ROBO1: variants seen among roughly 807,000 people sequenced by gnomAD.
ROBO1 encodes roundabout homolog 1.
A neutral mutation model predicts 195.9 loss-of-function variants in ROBO1; 149 were observed. The observed-to-expected ratio is 0.76, with a 90% confidence interval of 0.67 to 0.87. The LOEUF is 0.87. Among genes scored for constraint, ROBO1 ranks in the 40% least tolerant of loss-of-function variants. The probability of loss-of-function intolerance (pLI) is 0.00; values close to 1 mark genes in which losing one functional copy is unlikely to be tolerated. For synonymous variants in ROBO1, 816 were observed against 733.2 expected, an observed-to-expected ratio of 1.11 and a Z score of -1.82; for missense variants, 1,933 against 2,068.3, an observed-to-expected ratio of 0.93 and a Z score of 1.27.
chr3:79,678,041 T>C (rs1946837210), intron 1 of ROBO1, among the ~76,000 whole-genome samples: 1 of 152,120 alleles, frequency 6.6e-6, no homozygotes, highest in Non-Finnish European at 1.5e-5. Flanking sequence ...AAGAATTCAA[T>C]GAATATTAGC....
intron 4 of ROBO1, among the ~76,000 whole-genome samples, chr3:78,792,737 T>G (rs2084058285): frequency 6.6e-6 from 1 of 152,198 alleles, no homozygotes; most frequent in African/African-American, 2.4e-5. Flanking sequence ...TAATATCCTC[T>G]TGTATATTTT....
intron 2 of ROBO1, among the ~76,000 whole-genome samples, chr3:79,288,113 A>AAAC (rs1291464034): frequency 2.2e-4 from 33 of 152,162 alleles, no homozygotes; most frequent in African/African-American, 7.7e-4. Context: ...CTTGAAAGTA[A>AAAC]AACAGCCAAT....
At chr3:79,169,514 A>G (rs1462860319) in intron 2 of ROBO1, among the ~76,000 whole-genome samples, 1 of 152,168 alleles carries the variant, frequency 6.6e-6, no homozygotes, top group Non-Finnish European at 1.5e-5. Context: ...TGAAATCCAG[A>G]TAGCTGAGTA....
chr3:78,725,966 A>G (rs903901347), intron 5 of ROBO1, among the ~76,000 whole-genome samples: 7 of 151,500 alleles, frequency 4.6e-5, no homozygotes, highest in South Asian at 2.1e-4. Flanking sequence ...CACCCCCACA[A>G]TGTTATCCAT....
chr3:79,038,130 A>G (rs537703151), intron 3 of ROBO1, among the ~76,000 whole-genome samples: 1 of 152,310 alleles, frequency 6.6e-6, no homozygotes, highest in African/African-American at 2.4e-5. Context: ...TCAGTTACAC[A>G]CTGGAATCTA....
chr3:78,651,317 A>G (rs1225603327), intron 19 of ROBO1, among the ~76,000 whole-genome samples: 3 of 152,164 alleles, frequency 2.0e-5, no homozygotes, highest in South Asian at 2.1e-4. Context: ...AGTATTTTCT[A>G]TTTTGCTTCA....
At chr3:79,066,040 A>G (rs928243190) in intron 3 of ROBO1, among the ~76,000 whole-genome samples, 1 of 151,990 alleles carries the variant, frequency 6.6e-6, no homozygotes, top group Non-Finnish European at 1.5e-5. Flanking sequence ...ATGAGTAGAA[A>G]GTGAGCTTAA....
At chr3:79,190,034 T>C (rs1210880198) in intron 2 of ROBO1, among the ~76,000 whole-genome samples, 1 of 151,716 alleles carries the variant, frequency 6.6e-6, no homozygotes, top group African/African-American at 2.4e-5. Context: ...TATACATTCA[T>C]TGTTTTACTT....
At chr3:78,834,218 T>C (rs1284424173) in intron 4 of ROBO1, among the ~76,000 whole-genome samples, 1 of 151,740 alleles carries the variant, frequency 6.6e-6, no homozygotes, top group Non-Finnish European at 1.5e-5. Flanking sequence ...CTAAAATAAG[T>C]AGGATATACT....
chr3:79,391,698 G>A (rs893036034), intron 2 of ROBO1, among the ~76,000 whole-genome samples: 2 of 151,690 alleles, frequency 1.3e-5, no homozygotes, highest in Admixed American at 6.6e-5. Context: ...GAATTTTATC[G>A]CTGATTTTAT....
intron 3 of ROBO1, among the ~76,000 whole-genome samples, chr3:79,088,861 T>G (rs542357271): frequency 4.6e-5 from 7 of 152,062 alleles, no homozygotes; most frequent in Non-Finnish European, 1.0e-4. Context: ...TGTTTTGCAA[T>G]GACATATTTT....
chr3:79,258,429 T>C (rs1323100058), intron 2 of ROBO1, among the ~76,000 whole-genome samples: 1 of 152,204 alleles, frequency 6.6e-6, no homozygotes, highest in East Asian at 1.9e-4. Context: ...TTTAAAAACT[T>C]AAAACTTTAT....
intron 1 of ROBO1, among the ~76,000 whole-genome samples, chr3:79,730,879 G>T (rs182177661): frequency 5.6e-4 from 80 of 142,564 alleles, no homozygotes; most frequent in African/African-American, 2.0e-3. Context: ...CTGGGTTCAC[G>T]CCATTCTCCT....
intron 4 of ROBO1, among the ~76,000 whole-genome samples, chr3:78,761,106 G>C (rs2083091308): frequency 6.6e-6 from 1 of 152,028 alleles, no homozygotes; most frequent in African/African-American, 2.4e-5. Context: ...AGTCTCCTAG[G>C]TGGAAGAGGG....
At chr3:79,271,268 C>A (rs1055027204) in intron 2 of ROBO1, among the ~76,000 whole-genome samples, 1 of 151,842 alleles carries the variant, frequency 6.6e-6, no homozygotes, top group African/African-American at 2.4e-5. Flanking sequence ...CTGAATCTAT[C>A]ATTTATTCTT....
At chr3:78,878,583 C>CAAAAAAA (rs35108863) in intron 4 of ROBO1, among the ~76,000 whole-genome samples, 4 of 46,344 alleles carry the variant, frequency 8.6e-5, no homozygotes, top group Admixed American at 2.7e-4. Context: ...AACCCCATCT[C>CAAAAAAA]AAAAAAAAAA....
intron 2 of ROBO1, among the ~76,000 whole-genome samples, chr3:79,181,960 T>C (rs1474112725): frequency 6.6e-6 from 1 of 150,586 alleles, no homozygotes; most frequent in Non-Finnish European, 1.5e-5. Flanking sequence ...AAAATGGATT[T>C]TATTCACATA....
intron 2 of ROBO1, among the ~76,000 whole-genome samples, chr3:79,263,834 A>G (rs1286252211): frequency 6.6e-6 from 1 of 151,986 alleles, no homozygotes; most frequent in Non-Finnish European, 1.5e-5. Flanking sequence ...AACATCCTCT[A>G]ATATGTAGTG....
At chr3:78,882,129 T>C (rs567343608) in intron 4 of ROBO1, among the ~76,000 whole-genome samples, 1 of 152,210 alleles carries the variant, frequency 6.6e-6, no homozygotes, top group African/African-American at 2.4e-5. Context: ...ATTCTAAATA[T>C]TACAAATTTA....
Sources: allele counts gnomAD v4.1 joint callset (sites outside exome capture counted in the v4.1 genomes callset), GRCh38; gene constraint gnomAD v4.1.1; transcripts MANE v1.5; gene names NCBI Gene and HGNC (gene_info 2026-07-23, HGNC 2026-07-21).